The following PTPRD variants were observed in gnomAD, a reference collection of about 807,000 sequenced individuals.
PTPRD encodes the protein receptor-type tyrosine-protein phosphatase delta.
In PTPRD, 34 loss-of-function variants were observed where a neutral mutation model predicts 214.5. The observed-to-expected ratio is 0.16, with a 90% confidence interval of 0.12 to 0.21. PTPRD has a LOEUF of 0.21. Ranked by LOEUF, PTPRD falls within the 10% of genes least tolerant of loss-of-function variation. PTPRD has a pLI of 1.00. For missense variants in PTPRD, 2,545 were observed against 2,398.7 expected (o/e 1.06, Z -1.27); for synonymous variants, 1,128 against 845.7 (o/e 1.33, Z -5.79).
chr9:8,418,131 G>T (rs1014132830), intron 35 of PTPRD, among the ~76,000 whole-genome samples: 1 of 152,006 alleles, frequency 6.6e-6, no homozygotes, highest in Non-Finnish European at 1.5e-5. Context: ...CCAGCCTTTG[G>T]CTCTGTTTTC....
intron 11 of PTPRD, among the ~76,000 whole-genome samples, chr9:8,830,973 A>G (rs1270619088): frequency 1.3e-5 from 2 of 152,178 alleles, no homozygotes; most frequent in African/African-American, 4.8e-5. Context: ...AATAACAAAT[A>G]TGCTTTAGAA....
intron 9 of PTPRD, among the ~76,000 whole-genome samples, chr9:9,367,499 T>C (rs750612281): frequency 6.6e-6 from 1 of 151,682 alleles, no homozygotes; most frequent in Non-Finnish European, 1.5e-5. Context: ...ATGAAATACA[T>C]AAATTTGATA....
intron 7 of PTPRD, among the ~76,000 whole-genome samples, chr9:9,675,254 T>C (rs116305352): frequency 0.011 from 1,638 of 152,024 alleles, 29 homozygotes; most frequent in African/African-American, 0.037. Flanking sequence ...AAAGTTTTTG[T>C]TTGTATCAAA....
At chr9:9,949,440 C>T (rs2093197678) in intron 4 of PTPRD, among the ~76,000 whole-genome samples, 1 of 152,094 alleles carries the variant, frequency 6.6e-6, no homozygotes, top group South Asian at 2.1e-4. Flanking sequence ...TAAGCAACAA[C>T]TTACTGATTG....
At chr9:9,635,124 G>A (rs1159133600) in intron 7 of PTPRD, among the ~76,000 whole-genome samples, 3 of 152,102 alleles carry the variant, frequency 2.0e-5, no homozygotes, top group African/African-American at 4.8e-5. Context: ...TGGCTAAGAA[G>A]GACATCTGTA....
intron 9 of PTPRD, among the ~76,000 whole-genome samples, chr9:9,212,837 T>G (rs954815879): frequency 9.9e-5 from 15 of 152,090 alleles, no homozygotes; most frequent in Admixed American, 2.0e-4. Context: ...ATGTGTGAGG[T>G]GAAAAAAACA....
At chr9:8,715,946 G>A (rs2098428423) in intron 12 of PTPRD, among the ~76,000 whole-genome samples, 1 of 152,208 alleles carries the variant, frequency 6.6e-6, no homozygotes, top group South Asian at 2.1e-4. Context: ...TGCTCACTTG[G>A]GCAATGCCCT....
intron 3 of PTPRD, among the ~76,000 whole-genome samples, chr9:10,231,047 G>GT (rs1564670657): frequency 6.6e-6 from 1 of 151,868 alleles, no homozygotes; most frequent in South Asian, 2.1e-4. Flanking sequence ...CTCCTGGACT[G>GT]GTCAAAAGGA....
chr9:10,065,141 TAGAAAGAA>T (rs554379074), intron 3 of PTPRD, among the ~76,000 whole-genome samples: 317 of 106,840 alleles, frequency 3.0e-3, no homozygotes, highest in East Asian at 0.012. Flanking sequence ...TGACTTGGAT[TAGAAAGAA>T]AGAAAGAAAG....
chr9:8,604,931 G>A (rs185772362), intron 14 of PTPRD, among the ~76,000 whole-genome samples: 2 of 152,258 alleles, frequency 1.3e-5, no homozygotes, highest in South Asian at 2.1e-4. Context: ...AGGAGGTATG[G>A]GAAAGTAAGC....
intron 11 of PTPRD, among the ~76,000 whole-genome samples, chr9:8,846,108 C>T (rs1356970419): frequency 6.6e-6 from 1 of 152,206 alleles, no homozygotes; most frequent in Non-Finnish European, 1.5e-5. Context: ...TAGATACACA[C>T]ACTCTACTGA....
At chr9:10,396,213 G>C (rs1033896386) in intron 2 of PTPRD, among the ~76,000 whole-genome samples, 1 of 151,940 alleles carries the variant, frequency 6.6e-6, no homozygotes, top group African/African-American at 2.4e-5. Context: ...AAACTAATGT[G>C]ATATAATAAG....
At chr9:10,174,411 C>T (rs1347201348) in intron 3 of PTPRD, among the ~76,000 whole-genome samples, 2 of 151,928 alleles carry the variant, frequency 1.3e-5, no homozygotes, top group African/African-American at 4.8e-5. Flanking sequence ...CACCTTCCAC[C>T]ATGAGTGGAA....
chr9:9,342,033 T>C (rs7018688), intron 9 of PTPRD, among the ~76,000 whole-genome samples: 8,610 of 152,158 alleles, frequency 0.057, 817 homozygotes, highest in African/African-American at 0.2. Flanking sequence ...GATCTCAAAC[T>C]CCTGACCTCA....
chr9:8,850,401 C>A (rs1410204107), intron 11 of PTPRD, among the ~76,000 whole-genome samples: 3 of 152,022 alleles, frequency 2.0e-5, no homozygotes, highest in Admixed American at 1.3e-4. Flanking sequence ...TGCCAAACAT[C>A]AAATGGAGAC....
intron 21 of PTPRD, among the ~76,000 whole-genome samples, chr9:8,514,031 T>C (rs1050766596): frequency 2.0e-5 from 3 of 152,218 alleles, no homozygotes; most frequent in East Asian, 1.9e-4. Flanking sequence ...TTCATCTAGA[T>C]TTTCTGAGTT....
At chr9:9,281,286 T>C (rs950903928) in intron 9 of PTPRD, among the ~76,000 whole-genome samples, 9 of 151,166 alleles carry the variant, frequency 6.0e-5, no homozygotes, top group Non-Finnish European at 1.2e-4. Context: ...ACTTCTGCTC[T>C]GCAAAACCCA....
intron 12 of PTPRD, among the ~76,000 whole-genome samples, chr9:8,724,203 T>A (rs2154424281): frequency 6.6e-6 from 1 of 152,180 alleles, no homozygotes; most frequent in Non-Finnish European, 1.5e-5. Flanking sequence ...GGGAATTTTT[T>A]AAATGCCATG....
At chr9:8,906,905 T>TC (rs2098711760) in intron 11 of PTPRD, among the ~76,000 whole-genome samples, 1 of 151,934 alleles carries the variant, frequency 6.6e-6, no homozygotes, top group African/African-American at 2.4e-5. Flanking sequence ...AGAGGAGACT[T>TC]GAGAGGGCCC....
Sources: allele counts gnomAD v4.1 joint callset (sites outside exome capture counted in the v4.1 genomes callset), GRCh38; gene constraint gnomAD v4.1.1; transcripts MANE v1.5; gene names NCBI Gene and HGNC (gene_info 2026-07-23, HGNC 2026-07-21).